Variants in DLGAP2 observed in about 807,000 individuals in gnomAD.
DLGAP2 encodes the protein DLG associated protein 2, also known as disks large-associated protein 2.
DLGAP2 carries 26 observed loss-of-function variants against 100.3 expected under a neutral mutation model. That is an observed-to-expected ratio of 0.26 (90% CI 0.19 to 0.36). DLGAP2 has a LOEUF of 0.36. Among genes scored for constraint, DLGAP2 ranks in the 10% least tolerant of loss-of-function variants. DLGAP2 has a pLI of 1.00. For synonymous variants in DLGAP2, 886 were observed against 630.1 expected, an observed-to-expected ratio of 1.41 and a Z score of -6.08; for missense variants, 1,858 against 1,453.2, an observed-to-expected ratio of 1.28 and a Z score of -4.53.
intron 1 of DLGAP2, among the ~76,000 whole-genome samples, chr8:760,650 C>A (rs1006657984): frequency 6.6e-6 from 1 of 152,306 alleles, no homozygotes; most frequent in Non-Finnish European, 1.5e-5. Flanking sequence ...CTGACTCCTG[C>A]TCTCATGGCA....
intron 4 of DLGAP2, among the ~76,000 whole-genome samples, chr8:1,515,055 C>T (rs529313552): frequency 1.3e-5 from 2 of 151,974 alleles, no homozygotes; most frequent in East Asian, 1.9e-4. Context: ...GCAGGGATAC[C>T]GATCCCTGCA....
At chr8:1,687,133 CAG>C (rs1234270620) in intron 12 of DLGAP2, among the ~76,000 whole-genome samples, 2 of 152,162 alleles carry the variant, frequency 1.3e-5, no homozygotes, top group African/African-American at 2.4e-5. Flanking sequence ...AAGGGAATCT[CAG>C]GGGATCACAG....
At chr8:823,588 C>A (rs1274966041) in intron 1 of DLGAP2, among the ~76,000 whole-genome samples, 1 of 152,014 alleles carries the variant, frequency 6.6e-6, no homozygotes, top group Non-Finnish European at 1.5e-5. Flanking sequence ...CAGCAGGAGA[C>A]CCCCAAGAGC....
intron 8 of DLGAP2, 134 bp from the exon 9 acceptor site, chr8:1,668,195 C>T (rs1051929480): frequency 1.3e-5 from 10 of 763,316 alleles, no homozygotes; most frequent in Middle Eastern, 3.6e-4. Flanking sequence ...CCTCATTTCA[C>T]GCTATTTTTT....
chr8:1,419,500 G>T (rs1219637739), intron 3 of DLGAP2, among the ~76,000 whole-genome samples: 1 of 150,212 alleles, frequency 6.7e-6, no homozygotes, highest in African/African-American at 2.4e-5. Flanking sequence ...TTTTATAAAT[G>T]GTTATTTTTG....
At chr8:1,338,361 ATAT>A (rs531133674) in intron 3 of DLGAP2, among the ~76,000 whole-genome samples, 7 of 152,336 alleles carry the variant, frequency 4.6e-5, no homozygotes, top group Admixed American at 6.5e-5. Flanking sequence ...ACAGATGCAA[ATAT>A]TATGTGAAAT....
chr8:1,689,893 G>A (rs1160101770), intron 12 of DLGAP2, among the ~76,000 whole-genome samples: 4 of 152,210 alleles, frequency 2.6e-5, no homozygotes, highest in Admixed American at 6.5e-5. Context: ...ATGGAAGAAC[G>A]GTGAATTGTT....
chr8:1,275,373 A>AC (rs1347189502), intron 3 of DLGAP2, among the ~76,000 whole-genome samples: 3 of 151,590 alleles, frequency 2.0e-5, no homozygotes, highest in African/African-American at 7.3e-5. Context: ...AAAAAAAAAA[A>AC]ACACAATAGA....
chr8:1,659,245 T>C (rs1304519498), intron 8 of DLGAP2, among the ~76,000 whole-genome samples: 1 of 152,082 alleles, frequency 6.6e-6, no homozygotes, highest in Admixed American at 6.6e-5. Flanking sequence ...TTTGCTGAGG[T>C]GTGTTTTACT....
intron 3 of DLGAP2, among the ~76,000 whole-genome samples, chr8:1,357,333 T>A (rs1038588562): frequency 6.6e-6 from 1 of 151,840 alleles, no homozygotes; most frequent in Non-Finnish European, 1.5e-5. Flanking sequence ...GCCAGACTCA[T>A]CACACTGACA....
chr8:1,201,112 A>G (rs1465330474), intron 2 of DLGAP2, among the ~76,000 whole-genome samples: 1 of 152,114 alleles, frequency 6.6e-6, no homozygotes, highest in Non-Finnish European at 1.5e-5. Context: ...CCCGTCCCCG[A>G]GGCCTGGAGC....
rs773950396 is a variant in DLGAP2 at position 928,965 on chromosome 8, A to ACC, written c.73+21006_73+21007dup. Among the ~76,000 whole-genome samples the ACC allele has an allele frequency of 2.0e-3, 240 of 118,896 alleles. 1 individual carries two copies. Among genetic ancestry groups the ACC allele is most frequent in the African/African-American group, 4.5e-3 (141 of 31,106 alleles). 78.0% of individuals were successfully genotyped at this position (118,896 alleles called of 152,430 possible). ...TCAAGGTTTCTCTGGAAAGATGAAG[A>ACC]CCCCCCCCGCCATTCCCACTCTAAA... On this transcript the variant is annotated intron_variant, in intron 2 of 14. Coordinates refer to ENST00000637795, the MANE Select transcript of DLGAP2 (RefSeq NM_001346810.2).
Position 1,351,626 on chromosome 8 carries a change from G to A in DLGAP2, c.106+92743G>A, listed in dbSNP as rs866960888. Among the ~76,000 whole-genome samples, 123 of 64,072 alleles carry A rather than the reference G, an allele frequency of 1.9e-3. 4 individuals carry two copies. The highest frequency in any genetic ancestry group is 5.2e-3 in the African/African-American group (115 of 22,236). The allele number at this position is 64,072 out of a possible 152,430, so 42.0% of individuals were successfully genotyped here. A position where few individuals can be genotyped will look rare whatever the true frequency, so the allele number is the denominator to read the frequency against. ...TGCGTGTGGCGTGGAAAGGCCGTGC[G>A]GGTCCTGAGTGTGCGTGGAAAGGCC... On this transcript the variant is annotated intron_variant, in intron 3 of 14. Coordinates refer to ENST00000637795, the MANE Select transcript of DLGAP2 (RefSeq NM_001346810.2).
At chr8:1,622,818 CA>C (rs1413957327) in intron 6 of DLGAP2, among the ~76,000 whole-genome samples, 2 of 152,136 alleles carry the variant, frequency 1.3e-5, no homozygotes, top group African/African-American at 4.8e-5. Flanking sequence ...GAGAGATAAC[CA>C]AAGGGGCTGA....
chr8:1,249,198 A>C (rs982218187), intron 2 of DLGAP2, among the ~76,000 whole-genome samples: 1 of 152,160 alleles, frequency 6.6e-6, no homozygotes, highest in African/African-American at 2.4e-5. Flanking sequence ...GAATGGCAAG[A>C]ACTCCACAGG....
intron 2 of DLGAP2, among the ~76,000 whole-genome samples, chr8:1,258,504 A>T (rs907690266): frequency 3.3e-5 from 5 of 152,100 alleles, no homozygotes; most frequent in Non-Finnish European, 5.9e-5. Context: ...TAAAACCTGG[A>T]TGATGGATTG....
intron 2 of DLGAP2, among the ~76,000 whole-genome samples, chr8:924,874 C>G (rs531522263): frequency 1.3e-5 from 2 of 152,288 alleles, no homozygotes; most frequent in South Asian, 4.1e-4. Context: ...GCATGAGCCA[C>G]CGCGCCTGGC....
intron 2 of DLGAP2, among the ~76,000 whole-genome samples, chr8:1,179,084 A>G (rs964776049): frequency 3.9e-5 from 6 of 152,270 alleles, no homozygotes; most frequent in African/African-American, 1.4e-4. Flanking sequence ...AGGCTTTAAA[A>G]GAAGCATCAA....
chr8:982,351 C>A (rs554412263), intron 2 of DLGAP2, among the ~76,000 whole-genome samples: 1 of 152,206 alleles, frequency 6.6e-6, no homozygotes, highest in African/African-American at 2.4e-5. Flanking sequence ...TTCAACTAGA[C>A]TCAAGAGCTG....
Sources: gnomAD v4.1 joint callset for allele counts (sites outside exome capture counted in the v4.1 genomes callset) on GRCh38, gnomAD v4.1.1 for gene constraint, MANE v1.5 for transcripts, NCBI Gene and HGNC (gene_info 2026-07-23, HGNC 2026-07-21) for gene names.